The following INSL6 variants were observed in gnomAD, a reference collection of about 807,000 sequenced individuals.
INSL6 encodes the protein insulin-like peptide INSL6.
Under a neutral mutation model 9.4 loss-of-function variants are expected in INSL6, and 16 were observed. That is an observed-to-expected ratio of 1.70 (90% CI 1.15 to 2.59). The LOEUF is 2.59. INSL6 is among the 30% of genes most tolerant of loss of function. The pLI, the probability that INSL6 is intolerant of heterozygous loss-of-function variation, is 0.00. For synonymous variants in INSL6, 154 were observed against 96.9 expected (o/e 1.59, Z -3.46); for missense variants, 391 against 257.3 (o/e 1.52, Z -3.56).
At chr9:5,115,078 T>C in the INSL6 span, among the ~76,000 whole-genome samples, 15 of 152,270 alleles carry the variant, frequency 9.9e-5, no homozygotes, top group East Asian at 2.9e-3. Context: ...TGGGATCTAA[T>C]TAAACTAAAC....
the INSL6 span, chr9:5,089,766 T>C: frequency 6.3e-7 from 1 of 1,599,026 alleles, no homozygotes; most frequent in Non-Finnish European, 8.5e-7. Context: ...AGCATAGTAC[T>C]GAAGAGCACC....
intron 2 of INSL6, among the ~76,000 whole-genome samples, chr9:5,137,900 AC>A (rs1406314324): frequency 1.3e-5 from 2 of 149,424 alleles, no homozygotes; most frequent in African/African-American, 2.4e-5. Context: ...AAGAAAAAAA[AC>A]CCATAAAAAA....
the INSL6 span, among the ~76,000 whole-genome samples, chr9:5,103,913 A>T: frequency 1.3e-5 from 2 of 152,230 alleles, no homozygotes; most frequent in African/African-American, 4.8e-5. Flanking sequence ...GACATATTTA[A>T]GGCAGTGTGT....
the INSL6 span, chr9:5,055,731 A>T: frequency 1.2e-6 from 2 of 1,609,306 alleles, no homozygotes; most frequent in East Asian, 4.5e-5. Flanking sequence ...AAGCAAACCA[A>T]GAGGGTTCAA....
the INSL6 span, chr9:5,055,662 A>G: frequency 6.5e-7 from 1 of 1,549,198 alleles, no homozygotes; most frequent in Non-Finnish European, 8.8e-7. Flanking sequence ...CATGCTTTTA[A>G]TTATAGGATT....
chr9:5,086,716 TCTGA>T, the INSL6 span, among the ~76,000 whole-genome samples: 1 of 152,226 alleles, frequency 6.6e-6, no homozygotes, highest in South Asian at 2.1e-4. Flanking sequence ...AATCTCCCTG[TCTGA>T]CTATAACTTT....
At chr9:5,180,376 T>C (rs1019023076) in intron 1 of INSL6, among the ~76,000 whole-genome samples, 1 of 152,192 alleles carries the variant, frequency 6.6e-6, no homozygotes, top group Middle Eastern at 3.4e-3. Flanking sequence ...AACTGTAAGG[T>C]CTGACTGCCT....
chr9:5,175,000 C>T (rs895545182), intron 1 of INSL6, among the ~76,000 whole-genome samples: 2 of 150,790 alleles, frequency 1.3e-5, no homozygotes, highest in African/African-American at 2.4e-5. Flanking sequence ...AGTGCCGTGG[C>T]GTTATCTCGG....
At chr9:5,104,530 A>C in the INSL6 span, among the ~76,000 whole-genome samples, 1 of 152,230 alleles carries the variant, frequency 6.6e-6, no homozygotes, top group Admixed American at 6.5e-5. Flanking sequence ...AATCAATGGA[A>C]AAAGAGGGAA....
At chr9:5,011,662 C>CA in the INSL6 span, among the ~76,000 whole-genome samples, 3 of 151,944 alleles carry the variant, frequency 2.0e-5, no homozygotes, top group Non-Finnish European at 2.9e-5. Context: ...TTCTTCTTTT[C>CA]ATGTTTAATA....
the INSL6 span, among the ~76,000 whole-genome samples, chr9:5,038,955 A>T: frequency 6.6e-6 from 1 of 152,154 alleles, no homozygotes; most frequent in Admixed American, 6.5e-5. Context: ...AAAATCCAGC[A>T]TCCCATCATT....
chr9:5,029,353 T>C, the INSL6 span, among the ~76,000 whole-genome samples: 5 of 152,198 alleles, frequency 3.3e-5, no homozygotes, highest in African/African-American at 1.2e-4. Context: ...ATGATTACAA[T>C]TGTAATGTCA....
At chr9:5,022,158 T>C in the INSL6 span, 1 of 1,614,180 alleles carries the variant, frequency 6.2e-7, no homozygotes, top group Non-Finnish European at 8.5e-7. Flanking sequence ...ATCTGACCTT[T>C]CCATCTGGGG....
chr9:5,137,912 G>C (rs1256629055), intron 2 of INSL6, among the ~76,000 whole-genome samples: 2 of 150,450 alleles, frequency 1.3e-5, no homozygotes, highest in Non-Finnish European at 3.0e-5. Flanking sequence ...CCATAAAAAA[G>C]TAGGTGAAGG....
intron 2 of INSL6, among the ~76,000 whole-genome samples, chr9:5,157,428 G>T (rs1824837471): frequency 6.6e-6 from 1 of 151,992 alleles, no homozygotes; most frequent in South Asian, 2.1e-4. Flanking sequence ...AAAAGAGACT[G>T]TCAGAAATAA....
At chr9:5,059,003 TC>T in the INSL6 span, among the ~76,000 whole-genome samples, 1 of 152,184 alleles carries the variant, frequency 6.6e-6, no homozygotes, top group African/African-American at 2.4e-5. Context: ...GTTGCTTGTG[TC>T]CTTTGATGCG....
intron 2 of INSL6, among the ~76,000 whole-genome samples, chr9:5,150,108 A>G (rs1231594562): frequency 1.3e-5 from 2 of 152,356 alleles, no homozygotes; most frequent in South Asian, 2.1e-4. Flanking sequence ...AAGATAAATT[A>G]AAGATTTAAA....
chr9:5,095,341 G>A, the INSL6 span, among the ~76,000 whole-genome samples: 1 of 151,848 alleles, frequency 6.6e-6, no homozygotes, highest in African/African-American at 2.4e-5. Context: ...AAATATAGTA[G>A]TTCTTACCCC....
the INSL6 span, chr9:5,072,721 A>G: frequency 1.0e-6 from 1 of 956,820 alleles, no homozygotes; most frequent in Non-Finnish European, 1.4e-6. Flanking sequence ...GCTTTTCAAA[A>G]TTGTAATTTT....
Sources: gnomAD v4.1 joint callset for allele counts (sites outside exome capture counted in the v4.1 genomes callset) on GRCh38, gnomAD v4.1.1 for gene constraint, MANE v1.5 for transcripts, NCBI Gene and HGNC (gene_info 2026-07-23, HGNC 2026-07-21) for gene names.